Variants in HS6ST3 observed in about 807,000 individuals in gnomAD.
HS6ST3 encodes the protein heparan sulfate 6-O-sulfotransferase 3.
HS6ST3 carries 12 observed loss-of-function variants against 36.7 expected under a neutral mutation model. The ratio of observed to expected loss-of-function variants is 0.33; its 90% confidence interval spans 0.21 to 0.53. The LOEUF (loss-of-function observed/expected upper bound fraction) is 0.53, where lower values mean the gene tolerates loss of function less well. HS6ST3 is among the 20% of genes least tolerant of loss of function. The pLI is 0.95. For synonymous variants in HS6ST3, 240 were observed against 257.5 expected (o/e 0.93, Z 0.65); for missense variants, 584 against 640.9 (o/e 0.91, Z 0.96).
intron 1 of HS6ST3, among the ~76,000 whole-genome samples, chr13:96,382,509 C>CTTTCATTCT (rs2055346222): frequency 6.6e-6 from 1 of 152,142 alleles, no homozygotes; most frequent in South Asian, 2.1e-4. Context: ...CAAGGTCATG[C>CTTTCATTCT]TTTCATTCTT....
At chr13:96,581,011 A>G (rs1280089800) in intron 1 of HS6ST3, among the ~76,000 whole-genome samples, 2 of 152,196 alleles carry the variant, frequency 1.3e-5, no homozygotes, top group African/African-American at 4.8e-5. Context: ...GGTTTAATAG[A>G]GGGGCTTTAT....
chr13:96,415,878 T>C (rs532169735), intron 1 of HS6ST3, among the ~76,000 whole-genome samples: 2 of 152,370 alleles, frequency 1.3e-5, no homozygotes, highest in African/African-American at 4.8e-5. Flanking sequence ...GTTTGGGATC[T>C]GTAAAGCACT....
At chr13:96,308,707 C>A (rs2054925650) in intron 1 of HS6ST3, among the ~76,000 whole-genome samples, 1 of 152,094 alleles carries the variant, frequency 6.6e-6, no homozygotes, top group South Asian at 2.1e-4. Flanking sequence ...CAGCAAGAAC[C>A]CCTCTGAACA....
In HS6ST3 at chr13:96,437,291, A is replaced by C. The variant is rs149118939; in HGVS notation, c.707+345722A>C. 3.3e-5 allele frequency among the ~76,000 whole-genome samples: 5 copies of C among 152,124 alleles called. No individual in the cohort carries two copies. The East Asian group carries it at 9.6e-4, about 29-fold the overall frequency. ...CTCCCTGGCCACCCATTCTGCACTG[A>C]TGTCTTTCTTAGTCATTCTCAGTCC... On this transcript the variant is annotated intron_variant, in intron 1 of 1. Coordinates refer to ENST00000376705, the MANE Select transcript of HS6ST3 (RefSeq NM_153456.4).
At chr13:96,600,061 A>G (rs779683390) in intron 1 of HS6ST3, among the ~76,000 whole-genome samples, 10 of 151,972 alleles carry the variant, frequency 6.6e-5, no homozygotes, top group Admixed American at 1.3e-4. Flanking sequence ...CATATGGTCT[A>G]TGTTGGAAAA....
intron 1 of HS6ST3, among the ~76,000 whole-genome samples, chr13:96,499,099 C>T (rs193135119): frequency 0.01 from 1,521 of 150,190 alleles, 29 homozygotes; most frequent in African/African-American, 0.03. Context: ...GATCCCTGCT[C>T]ACTGCAACCT....
At chr13:96,258,860 A>G (rs900133053) in intron 1 of HS6ST3, among the ~76,000 whole-genome samples, 3 of 152,104 alleles carry the variant, frequency 2.0e-5, no homozygotes, top group African/African-American at 4.8e-5. Flanking sequence ...TCTCTTCCCT[A>G]TAGGTGGTTA....
At chr13:96,774,286 A>G (rs1268729880) in intron 1 of HS6ST3, among the ~76,000 whole-genome samples, 2 of 152,204 alleles carry the variant, frequency 1.3e-5, no homozygotes, top group African/African-American at 2.4e-5. Flanking sequence ...CCAAAGGATC[A>G]CAACTCCTTG....
Position 96,657,869 on chromosome 13 carries a change from G to C in HS6ST3, c.708-174621G>C, listed in dbSNP as rs148230919. ...AGAACAAGGCAGCACACCATAGCTAGTAGCTGAAGTCAGGCTTCAGTCCTC... is the reference window on the plus strand; with the variant it reads ...AGAACAAGGCAGCACACCATAGCTACTAGCTGAAGTCAGGCTTCAGTCCTC... On this transcript the variant is annotated intron_variant, in intron 1 of 1. Coordinates refer to ENST00000376705, the MANE Select transcript of HS6ST3 (RefSeq NM_153456.4). 5.3e-5 allele frequency among the ~76,000 whole-genome samples: 8 copies of C among 152,288 alleles called. No individual in the cohort carries two copies. In the East Asian group the frequency reaches 1.5e-3, roughly 29 times the overall value.
At chr13:96,316,601 C>A (rs1013005105) in intron 1 of HS6ST3, among the ~76,000 whole-genome samples, 1 of 152,266 alleles carries the variant, frequency 6.6e-6, no homozygotes, top group South Asian at 2.1e-4. Flanking sequence ...CATTTGGCCT[C>A]GTCTCCCCTA....
intron 1 of HS6ST3, among the ~76,000 whole-genome samples, chr13:96,724,803 G>A (rs181372168): frequency 3.4e-4 from 52 of 152,194 alleles, no homozygotes; most frequent in African/African-American, 1.2e-3. Flanking sequence ...TCAATCTTGC[G>A]ATATTATAAA....
rs182696315 is a variant in HS6ST3 at position 96,498,336 on chromosome 13, G to A, written c.708-334154G>A. Among the ~76,000 whole-genome samples, 606 of 152,280 alleles carry A rather than the reference G, an allele frequency of 4.0e-3. 4 individuals carry two copies. Among genetic ancestry groups the A allele is most frequent in the African/African-American group, 9.3e-3 (386 of 41,552 alleles). ...GACAGAGGATTGAGAGACAGGAGGT[G>A]GAGCAGGGGGAGGTCAGAAAGACCT... On this transcript the variant is annotated intron_variant, in intron 1 of 1. Coordinates refer to ENST00000376705, the MANE Select transcript of HS6ST3 (RefSeq NM_153456.4).
At chr13:96,103,142 C>T (rs1029953144) in intron 1 of HS6ST3, among the ~76,000 whole-genome samples, 4 of 151,980 alleles carry the variant, frequency 2.6e-5, no homozygotes, top group Admixed American at 6.6e-5. Context: ...GTGTTTTGAC[C>T]GTTGATAACA....
At chr13:96,227,501 G>C (rs762034428) in intron 1 of HS6ST3, among the ~76,000 whole-genome samples, 10 of 152,212 alleles carry the variant, frequency 6.6e-5, no homozygotes, top group Non-Finnish European at 1.0e-4. Context: ...TCTGTACTGT[G>C]ACACCACTGG....
Position 96,518,394 on chromosome 13 carries a change from A to G in HS6ST3, c.708-314096A>G, listed in dbSNP as rs537489995. ...AGTTAATTTAGTTTGAGCAACTAAA[A>G]GAAGTATGTTTAATCTCTGTAATAT... is the stretch of plus-strand genomic sequence containing the variant. On this transcript the variant is annotated intron_variant, in intron 1 of 1. Transcript: ENST00000376705. Among the ~76,000 whole-genome samples, 5 of 152,340 alleles carry G rather than the reference A, an allele frequency of 3.3e-5. No homozygotes were observed. In the South Asian group the frequency reaches 1.0e-3, roughly 32 times the overall value.
chr13:96,201,110 A>C (rs573836155), intron 1 of HS6ST3, among the ~76,000 whole-genome samples: 2 of 152,294 alleles, frequency 1.3e-5, no homozygotes, highest in Admixed American at 6.5e-5. Context: ...GCAGACAGCT[A>C]TATGCAGATG....
At chr13:96,562,612 A>G (rs532256007) in intron 1 of HS6ST3, among the ~76,000 whole-genome samples, 4 of 152,298 alleles carry the variant, frequency 2.6e-5, no homozygotes, top group African/African-American at 9.6e-5. Flanking sequence ...GCTCTTGACC[A>G]TTCAGATTTT....
chr13:96,663,843 A>G (rs1330636211), intron 1 of HS6ST3, among the ~76,000 whole-genome samples: 1 of 152,220 alleles, frequency 6.6e-6, no homozygotes, highest in East Asian at 1.9e-4. Context: ...GTGAACCACA[A>G]AACATTATCC....
intron 1 of HS6ST3, among the ~76,000 whole-genome samples, chr13:96,318,292 G>A (rs1272969358): frequency 6.6e-6 from 1 of 152,186 alleles, no homozygotes; most frequent in Non-Finnish European, 1.5e-5. Flanking sequence ...AGCACTTTGG[G>A]AGGCTGAGGC....
Sources: allele counts gnomAD v4.1 joint callset (sites outside exome capture counted in the v4.1 genomes callset), GRCh38; gene constraint gnomAD v4.1.1; transcripts MANE v1.5; gene names NCBI Gene and HGNC (gene_info 2026-07-23, HGNC 2026-07-21).